Variants in OSBPL1A observed in about 807,000 individuals in gnomAD.
OSBPL1A encodes the protein oxysterol binding protein like 1A.
Under a neutral mutation model 137.1 loss-of-function variants are expected in OSBPL1A, and 80 were observed. The ratio of observed to expected loss-of-function variants is 0.58; its 90% CI spans 0.49 to 0.70. The LOEUF is 0.70. Ranked by LOEUF, OSBPL1A falls within the 30% of genes least tolerant of loss-of-function variation. The pLI, the probability that OSBPL1A is intolerant of heterozygous loss-of-function variation, is 0.00. For missense variants in OSBPL1A, 970 were observed against 1,129.4 expected (o/e 0.86, Z 2.02); for synonymous variants, 365 against 389.7 (o/e 0.94, Z 0.75).
At chr18:24,224,726 T>G (rs1453081785) in intron 17 of OSBPL1A, among the ~76,000 whole-genome samples, 1 of 152,182 alleles carries the variant, frequency 6.6e-6, no homozygotes, top group Non-Finnish European at 1.5e-5. Flanking sequence ...ATAAAAGATG[T>G]ATGATGAGAA....
intron 4 of OSBPL1A, among the ~76,000 whole-genome samples, chr18:24,362,282 T>C (rs1169647137): frequency 6.6e-6 from 1 of 152,016 alleles, no homozygotes; most frequent in Non-Finnish European, 1.5e-5. Flanking sequence ...GTCAGGCAAA[T>C]CGAGCCATCT....
chr18:24,251,815 A>C (rs1056680183), intron 15 of OSBPL1A, among the ~76,000 whole-genome samples: 5 of 152,210 alleles, frequency 3.3e-5, no homozygotes, highest in Admixed American at 2.0e-4. Flanking sequence ...AAACTCAAAA[A>C]ATTCAAAATA....
intron 15 of OSBPL1A, among the ~76,000 whole-genome samples, chr18:24,269,321 C>T (rs1006876645): frequency 2.6e-5 from 4 of 152,228 alleles, no homozygotes; most frequent in Admixed American, 2.6e-4. Flanking sequence ...CCGCTTCTAT[C>T]TTTTAGACTG....
At position 24,360,261 on chromosome 18, in the gene OSBPL1A, G is replaced by A. The variant is rs147501464; in HGVS notation, c.282+6631C>T. The stretch of plus-strand genomic sequence containing the variant: ...GCTGGGATTACAGGCATGAGCCACC[G>A]TGCCAAGCTGGGGAGCTGCATTTTT... On this transcript the variant is annotated intron_variant, in intron 4 of 27. Transcript: ENST00000319481. Among the ~76,000 whole-genome samples, 790 of 152,304 alleles carry A rather than the reference G, an allele frequency of 5.2e-3. 5 individuals carry two copies. The highest frequency in any genetic ancestry group is 0.018 in the African/African-American group (760 of 41,558).
intron 17 of OSBPL1A, among the ~76,000 whole-genome samples, chr18:24,218,889 A>G (rs1323566561): frequency 2.6e-5 from 4 of 152,216 alleles, no homozygotes; most frequent in Non-Finnish European, 4.4e-5. Flanking sequence ...AATGTGCGGT[A>G]TATATATTTC....
At chr18:24,261,024 G>A (rs2089433797) in intron 15 of OSBPL1A, among the ~76,000 whole-genome samples, 1 of 151,996 alleles carries the variant, frequency 6.6e-6, no homozygotes, top group Non-Finnish European at 1.5e-5. Flanking sequence ...ACATGTGAAT[G>A]GATAAACTGT....
At chr18:24,387,650 A>G in intron 1 of OSBPL1A, among the ~76,000 whole-genome samples, 1 of 152,004 alleles carries the variant, frequency 6.6e-6, no homozygotes, top group African/African-American at 2.4e-5. Context: ...CCTGGGCTTA[A>G]GTGATTCTCT....
intron 2 of OSBPL1A, among the ~76,000 whole-genome samples, chr18:24,376,880 G>A (rs1017192571): frequency 6.6e-6 from 1 of 152,222 alleles, no homozygotes; most frequent in African/African-American, 2.4e-5. Flanking sequence ...CCCAGTGCGG[G>A]GCCCACCAAG....
chr18:24,239,400 T>C lies in OSBPL1A; in HGVS notation c.1282-18A>G. 6.2e-7 allele frequency: 1 copy of C among 1,608,248 alleles called. No homozygotes were observed. On this transcript the variant is annotated intron_variant, in intron 15 of 27. Transcript: ENST00000319481. ...TTCCTCACCTAGAAGAAAACAGATA[T>C]ACAGAAAAGACTTCAGAGTGACAGG...
intron 19 of OSBPL1A, among the ~76,000 whole-genome samples, 164 bp downstream of exon 19, chr18:24,180,981 T>C (rs778245346): frequency 6.6e-6 from 1 of 152,338 alleles, no homozygotes; most frequent in Admixed American, 6.5e-5. Context: ...TGCACAATGG[T>C]GTCACCCTAA....
intron 14 of OSBPL1A, among the ~76,000 whole-genome samples, chr18:24,297,549 T>C (rs1394929414): frequency 6.6e-6 from 1 of 152,226 alleles, no homozygotes; most frequent in Non-Finnish European, 1.5e-5. Context: ...ACTTTCCTCT[T>C]AGCACTGCTT....
intron 14 of OSBPL1A, among the ~76,000 whole-genome samples, chr18:24,281,689 C>G (rs1342586482): frequency 6.6e-6 from 1 of 152,224 alleles, no homozygotes; most frequent in African/African-American, 2.4e-5. Flanking sequence ...CTGCACCCAG[C>G]CTCATGTTTC....
chr18:24,181,980 T>G (rs1162059943), intron 18 of OSBPL1A, among the ~76,000 whole-genome samples: 1 of 152,256 alleles, frequency 6.6e-6, no homozygotes, highest in Non-Finnish European at 1.5e-5. Context: ...AACTTCAATA[T>G]GTCTACATTT....
chr18:24,385,047 C>T (rs2912120), intron 1 of OSBPL1A, among the ~76,000 whole-genome samples: 131,876 of 150,032 alleles, frequency 0.88, 57,997 homozygotes, highest in African/African-American at 0.91. Context: ...CTCCGCCTCC[C>T]GGGTTCACGC....
chr18:24,317,245 A>G (rs762015319), intron 10 of OSBPL1A, 33 bp from the exon 11 acceptor site: 27 of 1,611,782 alleles, frequency 1.7e-5, no homozygotes, highest in Non-Finnish European at 2.2e-5. Context: ...TCAAGACAAA[A>G]GGAAAAGAGA....
chr18:24,397,795 T>A lies in OSBPL1A; in HGVS notation c.-143A>T, dbSNP rs1003210610. On this transcript the variant is annotated 5_prime_UTR_variant, in exon 1 of 28. Coordinates refer to ENST00000319481, the MANE Select transcript of OSBPL1A (RefSeq NM_080597.4). ...CGAGGACGCTCGAGCCCGCGTAACG[T>A]CTGTCTCCGGGACCCGGCGCCGGGA... The A allele has an allele frequency of 2.6e-5, 4 of 152,100 alleles. No individual in the cohort carries two copies. The highest frequency in any genetic ancestry group is 9.7e-5 in the African/African-American group (4 of 41,402). The allele number at this position is 152,100 out of a possible 1,614,324, so 9.4% of individuals were successfully genotyped here. A position where few individuals can be genotyped will look rare whatever the true frequency, so the allele number is the denominator to read the frequency against.
At chr18:24,252,445 A>G (rs1382228852) in intron 15 of OSBPL1A, among the ~76,000 whole-genome samples, 2 of 152,152 alleles carry the variant, frequency 1.3e-5, no homozygotes, top group African/African-American at 2.4e-5. Context: ...AAGGAAAAAA[A>G]CTCTTACCCT....
intron 1 of OSBPL1A, among the ~76,000 whole-genome samples, chr18:24,379,057 A>C (rs1178031746): frequency 6.6e-6 from 1 of 152,236 alleles, no homozygotes; most frequent in Non-Finnish European, 1.5e-5. Context: ...TTAGATAATA[A>C]ATGACATTCT....
At position 24,274,670 on chromosome 18, in the gene OSBPL1A, G is replaced by A. The variant is rs75060648; in HGVS notation, c.1281+6172C>T. Reference sequence around the variant, plus strand: ...AGCCTGTAATCACAGCACTCTGGGAGGCCAAGGCGAGTGTATCACTTCAGT... The same window carrying A: ...AGCCTGTAATCACAGCACTCTGGGAAGCCAAGGCGAGTGTATCACTTCAGT... On this transcript the variant is annotated intron_variant, in intron 15 of 27. Transcript: ENST00000319481. Among the ~76,000 whole-genome samples the A allele has an allele frequency of 1.3e-3, 200 of 152,300 alleles. 3 individuals are homozygous for A. The East Asian group carries it at 0.034, about 26-fold the overall frequency.
Sources: gnomAD v4.1 joint callset for allele counts (sites outside exome capture counted in the v4.1 genomes callset) on GRCh38, gnomAD v4.1.1 for gene constraint, MANE v1.5 for transcripts, NCBI Gene and HGNC (gene_info 2026-07-23, HGNC 2026-07-21) for gene names.